CNTN4: variants seen among roughly 807,000 people sequenced by gnomAD.
The protein encoded by CNTN4 is contactin-4.
CNTN4 carries 77 observed loss-of-function variants against 122.5 expected under a neutral mutation model. The ratio of observed to expected loss-of-function variants is 0.63; its 90% CI spans 0.52 to 0.76. The LOEUF is 0.76. Ranked by LOEUF, CNTN4 falls within the 30% of genes least tolerant of loss-of-function variation. The probability of loss-of-function intolerance (pLI) is 0.00; values close to 1 mark genes in which losing one functional copy is unlikely to be tolerated. For synonymous variants in CNTN4, 512 were observed against 447.0 expected, an observed-to-expected ratio of 1.15 and a Z score of -1.83; for missense variants, 1,256 against 1,259.1, an observed-to-expected ratio of 1.00 and a Z score of 0.04.
At chr3:2,638,492 CT>C (rs774528445) in intron 4 of CNTN4, among the ~76,000 whole-genome samples, 3,584 of 147,100 alleles carry the variant, frequency 0.024, 122 homozygotes, top group African/African-American at 0.08. Context: ...AAACATTTAT[CT>C]TTTTTTTTTT....
chr3:2,347,108 AC>A (rs2044424747), intron 3 of CNTN4, among the ~76,000 whole-genome samples: 1 of 149,610 alleles, frequency 6.7e-6, no homozygotes, highest in Non-Finnish European at 1.5e-5. Flanking sequence ...CTGCTACTTA[AC>A]TTTTGTATCA....
rs1238171011 is a variant in CNTN4 at position 3,053,788 on chromosome 3, G to A, written c.2812-19G>A. ...TTTGTGAAGACGGCAGGTGACACCT[G>A]TTCTTTCTGTATTGGCAGGTCTTGT... On this transcript the variant is annotated intron_variant, in intron 23 of 24. Transcript: ENST00000418658. The A allele has an allele frequency of 6.2e-7, 1 of 1,613,858 alleles. No homozygotes were observed. Among genetic ancestry groups the A allele is most frequent in the Non-Finnish European group, 8.5e-7 (1 of 1,179,838 alleles).
chr3:2,550,202 G>A (rs1201503650), intron 3 of CNTN4, among the ~76,000 whole-genome samples: 4 of 151,960 alleles, frequency 2.6e-5, no homozygotes, highest in East Asian at 1.9e-4. Context: ...ATCTTTTTCA[G>A]TTCTGCTCTG....
Position 2,954,571 on chromosome 3 carries a change from A to G in CNTN4, c.1358+28792A>G, listed in dbSNP as rs891767635. On this transcript the variant is annotated intron_variant, in intron 13 of 24. Transcript: ENST00000418658. ...CAGAGAACATGTGTCATCCAAATCA[A>G]TAGAGCCAACAATCTCTGATTTTTC... Among the ~76,000 whole-genome samples, 7 of 151,818 alleles carry G rather than the reference A, an allele frequency of 4.6e-5. 1 individual carries two copies. Among genetic ancestry groups the G allele is most frequent in the African/African-American group, 9.7e-5 (4 of 41,338 alleles).
chr3:2,498,567 G>A (rs1199585670), intron 3 of CNTN4, among the ~76,000 whole-genome samples: 1 of 151,964 alleles, frequency 6.6e-6, no homozygotes, highest in African/African-American at 2.4e-5. Flanking sequence ...TGCAGCCTTG[G>A]CCTCCCAGGC....
At chr3:2,167,040 G>A (rs7651249) in intron 2 of CNTN4, among the ~76,000 whole-genome samples, 28,156 of 151,982 alleles carry the variant, frequency 0.19, 2,860 homozygotes, top group East Asian at 0.37. Flanking sequence ...ATTATGTTGT[G>A]TACATCAGAC....
chr3:2,738,753 A>G (rs2089286112), intron 5 of CNTN4, among the ~76,000 whole-genome samples: 1 of 152,140 alleles, frequency 6.6e-6, no homozygotes. Context: ...AGCATACACA[A>G]AAATCAATTC....
At chr3:2,706,366 T>G (rs1425343995) in intron 4 of CNTN4, among the ~76,000 whole-genome samples, 1 of 152,026 alleles carries the variant, frequency 6.6e-6, no homozygotes, top group Non-Finnish European at 1.5e-5. Flanking sequence ...TAAGGAAAAA[T>G]GATGCATGAG....
intron 2 of CNTN4, among the ~76,000 whole-genome samples, chr3:2,272,751 C>T (rs1166092099): frequency 1.3e-5 from 2 of 151,930 alleles, no homozygotes; most frequent in Non-Finnish European, 2.9e-5. Context: ...TAAGTGATTA[C>T]TTATGGTTTC....
chr3:2,530,629 C>T (rs916854292), intron 3 of CNTN4, among the ~76,000 whole-genome samples: 8 of 152,114 alleles, frequency 5.3e-5, no homozygotes, highest in African/African-American at 9.6e-5. Flanking sequence ...CTTAAAACCA[C>T]GTTGATTGGG....
intron 12 of CNTN4, among the ~76,000 whole-genome samples, chr3:2,916,738 G>T (rs182365391): frequency 5.0e-4 from 71 of 141,146 alleles, no homozygotes; most frequent in African/African-American, 2.0e-3. Flanking sequence ...ACGGGGTGGC[G>T]GCCGGGCAGA....
chr3:2,597,106 GC>G (rs2080805822), intron 4 of CNTN4, among the ~76,000 whole-genome samples: 2 of 152,136 alleles, frequency 1.3e-5, no homozygotes. Flanking sequence ...AACTTAGTTT[GC>G]AAATGCTGCA....
chr3:2,728,137 C>G (rs116481832), intron 4 of CNTN4, among the ~76,000 whole-genome samples: 7,283 of 152,186 alleles, frequency 0.048, 185 homozygotes, highest in Non-Finnish European at 0.055. Flanking sequence ...TGACAGCTGT[C>G]CAATCATCAT....
At chr3:2,293,062 T>C (rs559253830) in intron 2 of CNTN4, among the ~76,000 whole-genome samples, 1 of 152,350 alleles carries the variant, frequency 6.6e-6, no homozygotes, top group East Asian at 1.9e-4. Flanking sequence ...ACATGCGTAT[T>C]GTTATTCTTT....
chr3:2,608,806 T>C (rs750207442), intron 4 of CNTN4, among the ~76,000 whole-genome samples: 3 of 152,186 alleles, frequency 2.0e-5, no homozygotes, highest in African/African-American at 2.4e-5. Flanking sequence ...TTTTAAAAAA[T>C]GCATTTGTTT....
chr3:2,970,532 G>T (rs954381924), intron 13 of CNTN4, among the ~76,000 whole-genome samples: 2 of 149,396 alleles, frequency 1.3e-5, no homozygotes, highest in Admixed American at 6.7e-5. Context: ...CTGCAGCCTC[G>T]ACCTGCTGGG....
intron 2 of CNTN4, among the ~76,000 whole-genome samples, chr3:2,141,384 A>G (rs993077574): frequency 1.3e-5 from 2 of 152,122 alleles, no homozygotes; most frequent in African/African-American, 4.8e-5. Context: ...ATGAAAGAGG[A>G]CCATAAGCCA....
intron 2 of CNTN4, among the ~76,000 whole-genome samples, chr3:2,197,944 G>A (rs1470148825): frequency 6.6e-6 from 1 of 151,794 alleles, no homozygotes; most frequent in Admixed American, 6.6e-5. Context: ...GAACCCAGGA[G>A]GCAGAGGTTG....
At chr3:2,400,311 A>G (rs910122737) in intron 3 of CNTN4, among the ~76,000 whole-genome samples, 3 of 150,020 alleles carry the variant, frequency 2.0e-5, no homozygotes, top group Non-Finnish European at 4.5e-5. Flanking sequence ...ATGTACACAC[A>G]CAAACATACA....
Sources: allele counts gnomAD v4.1 joint callset (sites outside exome capture counted in the v4.1 genomes callset), GRCh38; gene constraint gnomAD v4.1.1; transcripts MANE v1.5; gene names NCBI Gene and HGNC (gene_info 2026-07-23, HGNC 2026-07-21).